Variants in GALNT13 observed in about 807,000 individuals in gnomAD.
GALNT13 encodes the protein polypeptide N-acetylgalactosaminyltransferase 13.
Under a neutral mutation model 64.2 loss-of-function variants are expected in GALNT13, and 28 were observed. The observed-to-expected ratio is 0.44, with a 90% CI of 0.32 to 0.60. The LOEUF (loss-of-function observed/expected upper bound fraction) is 0.60, where lower values mean the gene tolerates loss of function less well. Among genes scored for constraint, GALNT13 ranks in the 20% least tolerant of loss-of-function variants. The pLI is 0.05. For synonymous variants in GALNT13, 214 were observed against 224.6 expected (o/e 0.95, Z 0.42); for missense variants, 577 against 669.8 (o/e 0.86, Z 1.53).
intron 3 of GALNT13, 122 bp downstream of exon 3, chr2:153,944,761 C>T: frequency 1.3e-6 from 1 of 742,774 alleles, no homozygotes; most frequent in Non-Finnish European, 2.2e-6. Flanking sequence ...ATTTTGGCAG[C>T]ACTATTAATG....
At chr2:154,309,468 C>T (rs985642503) in intron 9 of GALNT13, among the ~76,000 whole-genome samples, 6 of 152,096 alleles carry the variant, frequency 3.9e-5, no homozygotes, top group African/African-American at 1.4e-4. Flanking sequence ...CTGGGAAGTC[C>T]AAGATCAGGC....
chr2:154,435,006 C>T (rs886876693), intron 11 of GALNT13, among the ~76,000 whole-genome samples: 1 of 152,266 alleles, frequency 6.6e-6, no homozygotes, highest in Middle Eastern at 3.4e-3. Context: ...GAAGGAAAGG[C>T]ACAGAAATTG....
the GALNT13 span, among the ~76,000 whole-genome samples, chr2:153,511,356 C>T: frequency 6.6e-6 from 1 of 151,526 alleles, no homozygotes; most frequent in Non-Finnish European, 1.5e-5. Context: ...AGGCGTGATT[C>T]AAGCAGGTTC....
At chr2:153,314,141 A>G in the GALNT13 span, among the ~76,000 whole-genome samples, 1 of 152,222 alleles carries the variant, frequency 6.6e-6, no homozygotes, top group African/African-American at 2.4e-5. Flanking sequence ...ATACTGAAAT[A>G]ACCTGATAAT....
At chr2:153,726,682 C>G in the GALNT13 span, among the ~76,000 whole-genome samples, 2 of 152,040 alleles carry the variant, frequency 1.3e-5, no homozygotes, top group Non-Finnish European at 2.9e-5. Context: ...TGGCTCATGC[C>G]TGTAATCTCA....
At chr2:154,347,712 G>A (rs1423785791) in intron 9 of GALNT13, among the ~76,000 whole-genome samples, 1 of 152,146 alleles carries the variant, frequency 6.6e-6, no homozygotes, top group Non-Finnish European at 1.5e-5. Context: ...AGGCAAAAGG[G>A]ACTAGCCACA....
chr2:154,066,728 C>T lies in GALNT13; in HGVS notation c.143-73609C>T, dbSNP rs565941430. 2.4e-4 allele frequency among the ~76,000 whole-genome samples: 36 copies of T among 152,044 alleles called. 1 individual carries two copies. Among genetic ancestry groups the T allele is most frequent in the African/African-American group, 7.7e-4 (32 of 41,510 alleles). On this transcript the variant is annotated intron_variant, in intron 3 of 12. Coordinates refer to ENST00000392825, the MANE Select transcript of GALNT13 (RefSeq NM_052917.4). The stretch of plus-strand genomic sequence containing the variant: ...CACCAGACCTGTCCTACAAGAAATA[C>T]GAAAGGGAGTTATTTAATTTGAAAG...
intron 4 of GALNT13, among the ~76,000 whole-genome samples, chr2:154,147,904 T>C (rs1179328776): frequency 6.6e-6 from 1 of 151,774 alleles, no homozygotes; most frequent in African/African-American, 2.4e-5. Flanking sequence ...TGCTGGGATT[T>C]TGCTTTTATT....
chr2:153,677,629 G>A, the GALNT13 span, among the ~76,000 whole-genome samples: 1 of 152,016 alleles, frequency 6.6e-6, no homozygotes, highest in Non-Finnish European at 1.5e-5. Flanking sequence ...GGATGAAGCT[G>A]GGGACATCAC....
chr2:153,424,865 G>A, the GALNT13 span, among the ~76,000 whole-genome samples: 2 of 151,768 alleles, frequency 1.3e-5, no homozygotes, highest in African/African-American at 4.8e-5. Context: ...AACAACCTAG[G>A]TAAGGGAATG....
the GALNT13 span, among the ~76,000 whole-genome samples, chr2:153,209,124 C>T: frequency 6.1e-4 from 93 of 151,674 alleles, no homozygotes; most frequent in Non-Finnish European, 1.2e-3. Context: ...ACTACAGGCG[C>T]CTGCCACCAT....
chr2:153,090,138 G>A, the GALNT13 span, among the ~76,000 whole-genome samples: 1 of 152,150 alleles, frequency 6.6e-6, no homozygotes, highest in Non-Finnish European at 1.5e-5. Flanking sequence ...CTGCTCCCAT[G>A]GGTTGATCCT....
At chr2:154,107,018 T>TTTTG (rs1553478734) in intron 3 of GALNT13, among the ~76,000 whole-genome samples, 10,892 of 152,080 alleles carry the variant, frequency 0.072, 462 homozygotes, top group Middle Eastern at 0.14. Context: ...CAGCTGGTTT[T>TTTTG]TTTTGTTTTG....
intron 4 of GALNT13, among the ~76,000 whole-genome samples, chr2:154,145,210 C>T (rs1231623571): frequency 6.6e-6 from 1 of 150,508 alleles, no homozygotes; most frequent in Non-Finnish European, 1.5e-5. Context: ...AGCCCTCTCT[C>T]TCCTTTGCCC....
intron 3 of GALNT13, among the ~76,000 whole-genome samples, chr2:154,028,766 T>G (rs183189396): frequency 2.6e-5 from 4 of 152,244 alleles, no homozygotes; most frequent in African/African-American, 7.2e-5. Context: ...AACATATGAA[T>G]TAATAACTAA....
the GALNT13 span, among the ~76,000 whole-genome samples, chr2:153,682,667 A>G: frequency 6.6e-6 from 1 of 151,798 alleles, no homozygotes; most frequent in Non-Finnish European, 1.5e-5. Flanking sequence ...TAGATAGTGT[A>G]GCATACTTGA....
the GALNT13 span, among the ~76,000 whole-genome samples, chr2:153,710,949 T>C: frequency 1.3e-5 from 2 of 152,070 alleles, no homozygotes; most frequent in African/African-American, 4.8e-5. Flanking sequence ...ATCTATTTTC[T>C]TTATGAATAA....
At chr2:153,556,803 T>C in the GALNT13 span, among the ~76,000 whole-genome samples, 1 of 152,206 alleles carries the variant, frequency 6.6e-6, no homozygotes. Flanking sequence ...GAGGCCCTGT[T>C]CTCTGCTGGA....
the GALNT13 span, among the ~76,000 whole-genome samples, chr2:153,576,965 G>C: frequency 6.6e-6 from 1 of 151,976 alleles, no homozygotes; most frequent in Admixed American, 6.6e-5. Context: ...GATGTTCCCT[G>C]TTTCTCTCTA....
Sources: allele counts gnomAD v4.1 joint callset (sites outside exome capture counted in the v4.1 genomes callset), GRCh38; gene constraint gnomAD v4.1.1; transcripts MANE v1.5; gene names NCBI Gene and HGNC (gene_info 2026-07-23, HGNC 2026-07-21).